WDR70: variants seen among roughly 807,000 people sequenced by gnomAD.
The protein encoded by WDR70 is WD repeat-containing protein 70.
In WDR70, 53 loss-of-function variants were observed where a neutral mutation model predicts 88.6. The observed-to-expected ratio is 0.60, with a 90% CI of 0.48 to 0.75. WDR70 has a LOEUF of 0.75. WDR70 is among the 30% of genes least tolerant of loss of function. WDR70 has a pLI of 0.00. For missense variants in WDR70, 610 were observed against 823.2 expected, an observed-to-expected ratio of 0.74 and a Z score of 3.17; for synonymous variants, 280 against 270.0, an observed-to-expected ratio of 1.04 and a Z score of -0.36.
At chr5:37,431,721 C>T (rs1321690596) in intron 5 of WDR70, among the ~76,000 whole-genome samples, 3 of 152,206 alleles carry the variant, frequency 2.0e-5, no homozygotes, top group South Asian at 2.1e-4. Context: ...CAGTTTCCTC[C>T]TGCCCCCAGC....
intron 9 of WDR70, among the ~76,000 whole-genome samples, chr5:37,517,869 TTATATTA>T (rs1740939650): frequency 1.4e-5 from 2 of 143,664 alleles, no homozygotes; most frequent in African/African-American, 5.0e-5. Flanking sequence ...TATTATATTA[TTATATTA>T]TATATTATTT....
intron 17 of WDR70, among the ~76,000 whole-genome samples, chr5:37,749,791 A>G (rs777184427): frequency 5.0e-4 from 75 of 151,506 alleles, no homozygotes; most frequent in Admixed American, 1.9e-3. Context: ...CCCTGATGCA[A>G]ACATTTACTC....
At chr5:37,487,441 G>A (rs1333642598) in intron 8 of WDR70, among the ~76,000 whole-genome samples, 1 of 150,636 alleles carries the variant, frequency 6.6e-6, no homozygotes, top group East Asian at 1.9e-4. Context: ...TGAATAGGGT[G>A]TTAAAGGAAG....
At chr5:37,620,274 G>GT (rs1561925638) in intron 10 of WDR70, among the ~76,000 whole-genome samples, 1 of 151,876 alleles carries the variant, frequency 6.6e-6, no homozygotes, top group African/African-American at 2.4e-5. Flanking sequence ...TTTTTTGTTT[G>GT]TTTTTTGCCG....
rs1745177646 is a variant in WDR70 at position 37,644,243 on chromosome 5, CAT to C, written c.1092+39008_1092+39009del. The stretch of plus-strand genomic sequence containing the variant: ...CTTTTTCAGCACCAGTTGAAATGAT[CAT>C]ATGTTTTTTTGTCCTCCATTCTGTT... On this transcript the variant is annotated intron_variant, in intron 10 of 17. Transcript: ENST00000265107. Among the ~76,000 whole-genome samples the C allele has an allele frequency of 3.0e-5, 3 of 101,266 alleles. No individual in the cohort carries two copies. In the South Asian group the frequency reaches 8.1e-4, roughly 27 times the overall value. 66.4% of individuals were successfully genotyped at this position (101,266 alleles called of 152,430 possible).
intron 8 of WDR70, among the ~76,000 whole-genome samples, chr5:37,515,256 G>C (rs1740851589): frequency 6.7e-6 from 1 of 150,082 alleles, no homozygotes; most frequent in African/African-American, 2.5e-5. Context: ...CATGGTTATG[G>C]GAATATTTAA....
chr5:37,610,964 G>A (rs2112486599), intron 10 of WDR70, among the ~76,000 whole-genome samples: 1 of 152,198 alleles, frequency 6.6e-6, no homozygotes. Flanking sequence ...TTCTCTTTTA[G>A]AATCACCAGC....
At chr5:37,401,652 G>A (rs1749198178) in intron 5 of WDR70, among the ~76,000 whole-genome samples, 1 of 151,956 alleles carries the variant, frequency 6.6e-6, no homozygotes, top group Non-Finnish European at 1.5e-5. Context: ...GTAGAGGTGG[G>A]GGTCTCACCA....
At chr5:37,442,745 G>C (rs1750695840) in intron 6 of WDR70, among the ~76,000 whole-genome samples, 1 of 152,226 alleles carries the variant, frequency 6.6e-6, no homozygotes, top group African/African-American at 2.4e-5. Context: ...ATAAGGGACA[G>C]ATAATTCTGC....
At chr5:37,727,110 A>G in intron 17 of WDR70, 65 bp downstream of exon 17, 1 of 1,533,682 alleles carries the variant, frequency 6.5e-7, no homozygotes, top group Non-Finnish European at 8.7e-7. Flanking sequence ...GAACATAACA[A>G]TGTTGTTTTT....
chr5:37,694,743 G>GC (rs563400587), intron 10 of WDR70, among the ~76,000 whole-genome samples: 357 of 152,088 alleles, frequency 2.3e-3, no homozygotes, highest in Middle Eastern at 3.4e-3. Context: ...AATACCTAAT[G>GC]TAAATGATGA....
intron 10 of WDR70, among the ~76,000 whole-genome samples, chr5:37,675,722 G>C (rs1424627990): frequency 6.6e-6 from 1 of 152,082 alleles, no homozygotes; most frequent in Non-Finnish European, 1.5e-5. Context: ...TGCGAGTTCT[G>C]TTTTGATTCC....
At chr5:37,534,462 G>A (rs1741595627) in intron 9 of WDR70, among the ~76,000 whole-genome samples, 1 of 149,182 alleles carries the variant, frequency 6.7e-6, no homozygotes, top group South Asian at 2.1e-4. Context: ...CTTTGAAAAT[G>A]CATATCAGTT....
At chr5:37,553,017 A>T (rs1452085277) in intron 9 of WDR70, among the ~76,000 whole-genome samples, 1 of 152,214 alleles carries the variant, frequency 6.6e-6, no homozygotes, top group East Asian at 1.9e-4. Context: ...CGCCTGAGAA[A>T]GTTCTCTGCA....
At position 37,544,896 on chromosome 5, in the gene WDR70, A is replaced by G. The variant is rs373251537; in HGVS notation, c.917+28306A>G. On this transcript the variant is annotated intron_variant, in intron 9 of 17. Transcript: ENST00000265107. ...ATATCATTTGATTTTTATAATGTCA[A>G]TATAATTATAAAATTCTATAAGGAA... Among the ~76,000 whole-genome samples the G allele has an allele frequency of 1.4e-4, 22 of 152,294 alleles. No individual in the cohort carries two copies. The East Asian group carries it at 3.7e-3, about 25-fold the overall frequency.
intron 9 of WDR70, among the ~76,000 whole-genome samples, chr5:37,590,359 A>G (rs897946865): frequency 5.3e-5 from 8 of 152,196 alleles, no homozygotes; most frequent in African/African-American, 1.4e-4. Context: ...TTTCAGATCA[A>G]TAGAATCATG....
chr5:37,616,636 A>G (rs1275160107), intron 10 of WDR70, among the ~76,000 whole-genome samples: 2 of 152,152 alleles, frequency 1.3e-5, no homozygotes, highest in Admixed American at 1.3e-4. Context: ...GGACTAGAAG[A>G]TTATGTATCT....
Position 37,381,542 on chromosome 5 carries a change from C to T in WDR70, c.92-60C>T. On this transcript the variant is annotated intron_variant, in intron 2 of 17. Transcript: ENST00000265107. Reference sequence around the variant, plus strand: ...AGTGTTTATTGATCAGTATTGATCACCTAAAGTTTGGCCAACTTACTGCAA... The same window carrying T: ...AGTGTTTATTGATCAGTATTGATCATCTAAAGTTTGGCCAACTTACTGCAA... 21 of 1,426,224 alleles carry T rather than the reference C, an allele frequency of 1.5e-5. 1 individual carries two copies. In the South Asian group the frequency reaches 2.4e-4, roughly 16 times the overall value. The allele number at this position is 1,426,224 out of a possible 1,614,324, so 88.3% of individuals were successfully genotyped here. A position where few individuals can be genotyped will look rare whatever the true frequency, so the allele number is the denominator to read the frequency against.
intron 9 of WDR70, among the ~76,000 whole-genome samples, chr5:37,536,962 C>T (rs1379344401): frequency 6.6e-6 from 1 of 152,010 alleles, no homozygotes; most frequent in Non-Finnish European, 1.5e-5. Context: ...TTATCTGGCC[C>T]CATGTCCAAG....
Sources: gnomAD v4.1 joint callset for allele counts (sites outside exome capture counted in the v4.1 genomes callset) on GRCh38, gnomAD v4.1.1 for gene constraint, MANE v1.5 for transcripts, NCBI Gene and HGNC (gene_info 2026-07-23, HGNC 2026-07-21) for gene names.